LHFPL2: variants seen among roughly 807,000 people sequenced by gnomAD.
LHFPL2 encodes LHFPL tetraspan subfamily member 2 protein.
Under a neutral mutation model 17.5 loss-of-function variants are expected in LHFPL2, and 7 were observed. The observed-to-expected ratio is 0.40, with a 90% confidence interval of 0.23 to 0.75. The LOEUF is 0.75. Among genes scored for constraint, LHFPL2 ranks in the 30% least tolerant of loss-of-function variants. LHFPL2 has a pLI of 0.37. For synonymous variants in LHFPL2, 134 were observed against 116.2 expected (o/e 1.15, Z -0.99); for missense variants, 241 against 294.8 (o/e 0.82, Z 1.34).
chr5:78,529,877 C>T (rs1188635646), intron 3 of LHFPL2, among the ~76,000 whole-genome samples: 3 of 152,228 alleles, frequency 2.0e-5, no homozygotes, highest in Non-Finnish European at 4.4e-5. Flanking sequence ...AAATCAGGCT[C>T]ATGAATGTAC....
rs115337918 is a variant in LHFPL2, at chr5:78,558,615, A to G, written c.-186+6198T>C. Among the ~76,000 whole-genome samples, 1,312 of 152,304 alleles carry G rather than the reference A, an allele frequency of 8.6e-3. 22 individuals carry two copies. The highest frequency in any genetic ancestry group is 0.03 in the African/African-American group (1,255 of 41,552). ...CCTCAGCCTCCTGAATACTGGGATT[A>G]CAGGTGCATGTCTGTGCCAGGCTTA... On this transcript the variant is annotated intron_variant, in intron 3 of 4. Transcript: ENST00000380345.
chr5:78,539,945 G>C (rs568370468), intron 3 of LHFPL2, among the ~76,000 whole-genome samples: 47 of 151,726 alleles, frequency 3.1e-4, no homozygotes, highest in Admixed American at 5.3e-4. Flanking sequence ...GCTTGGTTAG[G>C]ACCACACAGT....
intron 2 of LHFPL2, among the ~76,000 whole-genome samples, chr5:78,581,093 T>A (rs2112442771): frequency 6.6e-6 from 1 of 152,286 alleles, no homozygotes; most frequent in East Asian, 1.9e-4. Context: ...CTAGGTATTT[T>A]ATTCTCTTTG....
chr5:78,520,903 C>T (rs368653942), intron 3 of LHFPL2, among the ~76,000 whole-genome samples: 18 of 152,330 alleles, frequency 1.2e-4, no homozygotes, highest in Middle Eastern at 3.4e-3. Context: ...AATCACTGAC[C>T]GTTCCTTTCT....
chr5:78,499,301 A>T (rs1050421294), intron 4 of LHFPL2, among the ~76,000 whole-genome samples: 7 of 152,228 alleles, frequency 4.6e-5, no homozygotes, highest in Admixed American at 2.0e-4. Flanking sequence ...CAATGGGAGC[A>T]TTTCATGCTT....
intron 4 of LHFPL2, among the ~76,000 whole-genome samples, chr5:78,493,430 C>G (rs979619818): frequency 6.6e-6 from 1 of 152,246 alleles, no homozygotes; most frequent in Non-Finnish European, 1.5e-5. Flanking sequence ...ATTGTCATTT[C>G]ATACGACTCA....
intron 1 of LHFPL2, among the ~76,000 whole-genome samples, chr5:78,639,229 C>G (rs1357167342): frequency 6.6e-6 from 1 of 152,140 alleles, no homozygotes; most frequent in African/African-American, 2.4e-5. Flanking sequence ...TCCCTGACTA[C>G]AGCTCTTTTT....
intron 3 of LHFPL2, among the ~76,000 whole-genome samples, chr5:78,514,208 T>C (rs1208300460): frequency 8.5e-6 from 1 of 117,108 alleles, no homozygotes; most frequent in East Asian, 1.9e-4. Context: ...CTAAAAGACT[T>C]CTTCTCTACG....
chr5:78,607,999 A>T (rs1486532892), intron 2 of LHFPL2, among the ~76,000 whole-genome samples: 2 of 152,240 alleles, frequency 1.3e-5, no homozygotes, highest in Non-Finnish European at 2.9e-5. Flanking sequence ...TGAACTCAAG[A>T]AAGTGTAAAA....
chr5:78,636,590 G>A (rs1745456806), intron 1 of LHFPL2, among the ~76,000 whole-genome samples: 1 of 152,186 alleles, frequency 6.6e-6, no homozygotes, highest in Non-Finnish European at 1.5e-5. Flanking sequence ...TGTGGAGGAT[G>A]GGGCCCCTTC....
intron 2 of LHFPL2, 109 bp from the exon 3 acceptor site, chr5:78,564,980 G>A (rs1054654900): frequency 1.3e-4 from 20 of 152,078 alleles, no homozygotes; most frequent in African/African-American, 4.8e-4. Context: ...TTCAAATATT[G>A]GTCCCCAGGC....
chr5:78,550,459 T>G (rs1438243570), intron 3 of LHFPL2, among the ~76,000 whole-genome samples: 1 of 152,106 alleles, frequency 6.6e-6, no homozygotes, highest in African/African-American at 2.4e-5. Flanking sequence ...AAATAGTCCC[T>G]ATGCATGGAG....
intron 2 of LHFPL2, among the ~76,000 whole-genome samples, chr5:78,619,116 C>T (rs946528958): frequency 1.3e-5 from 2 of 152,154 alleles, no homozygotes; most frequent in African/African-American, 2.4e-5. Flanking sequence ...ACCTCTGCCT[C>T]CTGGGCTCAA....
intron 2 of LHFPL2, among the ~76,000 whole-genome samples, chr5:78,570,931 T>C (rs561715387): frequency 3.3e-5 from 5 of 152,142 alleles, no homozygotes; most frequent in Admixed American, 1.3e-4. Flanking sequence ...AATCTAGGCA[T>C]AAGCTTTAAG....
At chr5:78,617,334 G>T (rs1744657415) in intron 2 of LHFPL2, among the ~76,000 whole-genome samples, 1 of 152,126 alleles carries the variant, frequency 6.6e-6, no homozygotes, top group Non-Finnish European at 1.5e-5. Context: ...CCAGCCTAGA[G>T]TTCCTTAAAA....
chr5:78,559,225 T>C (rs1377248640), intron 3 of LHFPL2, among the ~76,000 whole-genome samples: 1 of 152,246 alleles, frequency 6.6e-6, no homozygotes, highest in Admixed American at 6.5e-5. Context: ...TATTATTTTG[T>C]GGCCATACTC....
chr5:78,503,698 C>CAAAAACAA (rs1448214613), intron 4 of LHFPL2, among the ~76,000 whole-genome samples: 1 of 122,288 alleles, frequency 8.2e-6, no homozygotes, highest in Non-Finnish European at 2.0e-5. Context: ...AACTCCATCT[C>CAAAAACAA]AAAAACAAAC....
rs35110604 is a variant in LHFPL2, at chr5:78,488,987, A to C, written c.597T>G (p.Ala199=). 3.8e-3 allele frequency: 6,078 copies of C among 1,614,168 alleles called. 208 individuals carry two copies. In the African/African-American group the frequency reaches 0.07, roughly 19 times the overall value. Residue 199 remains alanine (A), a synonymous_variant, in exon 5 of 5, where the codon GCT becomes GCG. Coordinates refer to ENST00000380345, the MANE Select transcript of LHFPL2 (RefSeq NM_005779.3). ...CAATTTCTGCTTGTGCAGAGAAGAC[A>C]GCACAGATGAAAGTGAGGACTGTGC... ...IGGTVLTFIC[A]VFSAQAEIAT...
intron 2 of LHFPL2, among the ~76,000 whole-genome samples, chr5:78,569,946 C>T (rs973949787): frequency 6.6e-6 from 1 of 152,174 alleles, no homozygotes; most frequent in Non-Finnish European, 1.5e-5. Context: ...TATAACGTGC[C>T]AGCCACAAGT....
Sources: allele counts gnomAD v4.1 joint callset (sites outside exome capture counted in the v4.1 genomes callset), GRCh38; gene constraint gnomAD v4.1.1; transcripts MANE v1.5; gene names NCBI Gene and HGNC (gene_info 2026-07-23, HGNC 2026-07-21).